POU6F2: variants seen among roughly 807,000 people sequenced by gnomAD.
The protein encoded by POU6F2 is POU class 6 homeobox 2, also known as POU domain, class 6, transcription factor 2.
POU6F2 carries 31 observed loss-of-function variants against 71.3 expected under a neutral mutation model. The observed-to-expected ratio is 0.43, with a 90% CI of 0.33 to 0.59. The LOEUF is 0.59. Ranked by LOEUF, POU6F2 falls within the 20% of genes least tolerant of loss-of-function variation. POU6F2 has a pLI of 0.04. For synonymous variants in POU6F2, 347 were observed against 355.7 expected (o/e 0.98, Z 0.27); for missense variants, 783 against 856.8 (o/e 0.91, Z 1.07).
intron 4 of POU6F2, among the ~76,000 whole-genome samples, chr7:39,316,438 G>A (rs543898058): frequency 2.6e-5 from 4 of 152,284 alleles, no homozygotes; most frequent in South Asian, 4.1e-4. Context: ...ACCTCAGGCA[G>A]TGTGGCTGAG....
chr7:39,090,842 G>A (rs1791349613), intron 2 of POU6F2, among the ~76,000 whole-genome samples: 2 of 152,052 alleles, frequency 1.3e-5, no homozygotes, highest in African/African-American at 2.4e-5. Context: ...AAAGAAATCT[G>A]TAGAAACCTG....
At chr7:39,410,737 T>C (rs1787534410) in intron 6 of POU6F2, among the ~76,000 whole-genome samples, 1 of 152,128 alleles carries the variant, frequency 6.6e-6, no homozygotes, top group South Asian at 2.1e-4. Flanking sequence ...TACACAGGTA[T>C]TCTCAGTAAA....
intron 1 of POU6F2, among the ~76,000 whole-genome samples, chr7:39,053,384 T>C (rs1790437436): frequency 6.6e-6 from 1 of 152,072 alleles, no homozygotes; most frequent in Admixed American, 6.6e-5. Flanking sequence ...ATTCTTGTCT[T>C]TTTCCTTCCT....
At chr7:39,242,738 C>A (rs1188444824) in intron 4 of POU6F2, among the ~76,000 whole-genome samples, 11 of 152,126 alleles carry the variant, frequency 7.2e-5, no homozygotes, top group Non-Finnish European at 1.3e-4. Flanking sequence ...AAACACCTTG[C>A]ACTGTGCCTG....
At chr7:39,316,844 TG>T (rs35272830) in intron 4 of POU6F2, among the ~76,000 whole-genome samples, 70,522 of 152,040 alleles carry the variant, frequency 0.46, 17,056 homozygotes, top group Admixed American at 0.59. Context: ...AACTTGATTT[TG>T]TTAACCACCT....
intron 2 of POU6F2, among the ~76,000 whole-genome samples, chr7:39,153,011 G>A (rs150828421): frequency 3.3e-5 from 5 of 152,058 alleles, no homozygotes; most frequent in Non-Finnish European, 2.9e-5. Flanking sequence ...AGTTATGCTC[G>A]CTTACGCTTA....
chr7:39,121,527 G>A (rs990221042), intron 2 of POU6F2, among the ~76,000 whole-genome samples: 3 of 152,206 alleles, frequency 2.0e-5, no homozygotes, highest in African/African-American at 7.2e-5. Context: ...CGTATTTCTC[G>A]TTATTATTTC....
At chr7:39,014,085 G>GA (rs2128704382) in intron 1 of POU6F2, among the ~76,000 whole-genome samples, 1 of 152,278 alleles carries the variant, frequency 6.6e-6, no homozygotes, top group East Asian at 1.9e-4. Flanking sequence ...AGATTTTCCA[G>GA]AAAATCAAAT....
intron 2 of POU6F2, among the ~76,000 whole-genome samples, chr7:39,143,351 A>C (rs952876553): frequency 2.0e-5 from 3 of 152,200 alleles, no homozygotes; most frequent in African/African-American, 7.2e-5. Flanking sequence ...GGTTTGGCCT[A>C]ATTGAGGAGA....
chr7:39,337,876 AACTT>A (rs764301037), intron 4 of POU6F2, among the ~76,000 whole-genome samples: 2 of 152,260 alleles, frequency 1.3e-5, no homozygotes, highest in East Asian at 3.9e-4. Flanking sequence ...AAGCAATATG[AACTT>A]ACGGATATGG....
chr7:39,020,328 A>G (rs1789654923), intron 1 of POU6F2, among the ~76,000 whole-genome samples: 1 of 152,214 alleles, frequency 6.6e-6, no homozygotes, highest in Admixed American at 6.6e-5. Flanking sequence ...TATCTACTTC[A>G]AGATATTGTT....
chr7:39,452,523 T>C (rs2116123152), intron 8 of POU6F2, among the ~76,000 whole-genome samples: 1 of 152,340 alleles, frequency 6.6e-6, no homozygotes, highest in East Asian at 1.9e-4. Flanking sequence ...TGCATAGGCA[T>C]CTGTGCCATA....
intron 4 of POU6F2, among the ~76,000 whole-genome samples, chr7:39,336,555 A>G (rs902438879): frequency 2.0e-5 from 3 of 152,234 alleles, no homozygotes; most frequent in African/African-American, 7.2e-5. Flanking sequence ...GCTTCTTTCC[A>G]GGATTCCTGG....
At chr7:39,140,589 A>G (rs1237319393) in intron 2 of POU6F2, among the ~76,000 whole-genome samples, 1 of 151,946 alleles carries the variant, frequency 6.6e-6, no homozygotes, top group Non-Finnish European at 1.5e-5. Flanking sequence ...CTATTTCCTC[A>G]TCCTTTGTGT....
At chr7:39,271,486 C>T (rs1270012982) in intron 4 of POU6F2, among the ~76,000 whole-genome samples, 1 of 105,544 alleles carries the variant, frequency 9.5e-6, no homozygotes. Flanking sequence ...GTCTTGTGCT[C>T]AATCAGTGAA....
intron 3 of POU6F2, among the ~76,000 whole-genome samples, chr7:39,206,930 A>G (rs1794025187): frequency 6.6e-6 from 1 of 152,200 alleles, no homozygotes; most frequent in Admixed American, 6.5e-5. Flanking sequence ...AATGGTGTCA[A>G]TACAGACTTT....
chr7:39,247,436 G>A (rs1435313173), intron 4 of POU6F2, among the ~76,000 whole-genome samples: 1 of 151,986 alleles, frequency 6.6e-6, no homozygotes, highest in Non-Finnish European at 1.5e-5. Flanking sequence ...GGGAGACAGA[G>A]TGAGACTCTG....
intron 5 of POU6F2, among the ~76,000 whole-genome samples, chr7:39,364,424 C>T (rs1451180741): frequency 1.3e-5 from 2 of 152,124 alleles, no homozygotes; most frequent in African/African-American, 4.8e-5. Context: ...CTTTTCCACC[C>T]TTTCCTCCTG....
In POU6F2 at chr7:39,233,272, C is replaced by T. The variant is rs943543606; in HGVS notation, c.598+25652C>T. On this transcript the variant is annotated intron_variant, in intron 4 of 9. Coordinates refer to ENST00000518318, the MANE Select transcript of POU6F2 (RefSeq NM_001370959.1). ...TTGATAGAATATTGTAAAATAAGAA[C>T]TAAAGAAATAGTGGTATTATCTGTT... is the stretch of plus-strand genomic sequence containing the variant. Among the ~76,000 whole-genome samples the T allele has an allele frequency of 2.4e-4, 35 of 147,580 alleles. 3 individuals carry two copies. The highest frequency in any genetic ancestry group is 2.0e-3 in the East Asian group (10 of 4,982).
Sources: gnomAD v4.1 joint callset for allele counts (sites outside exome capture counted in the v4.1 genomes callset) on GRCh38, gnomAD v4.1.1 for gene constraint, MANE v1.5 for transcripts, NCBI Gene and HGNC (gene_info 2026-07-23, HGNC 2026-07-21) for gene names.